The following GNA12 variants were observed in gnomAD, a reference collection of about 807,000 sequenced individuals.
The protein encoded by GNA12 is G protein subunit alpha 12, also known as guanine nucleotide-binding protein subunit alpha-12.
A neutral mutation model predicts 26.0 loss-of-function variants in GNA12; 9 were observed. The ratio of observed to expected loss-of-function variants is 0.35; its 90% CI spans 0.21 to 0.60. GNA12 has a LOEUF of 0.60. Among genes scored for constraint, GNA12 ranks in the 20% least tolerant of loss-of-function variants. GNA12 has a pLI of 0.78. For missense variants in GNA12, 405 were observed against 525.8 expected, an observed-to-expected ratio of 0.77 and a Z score of 2.25; for synonymous variants, 264 against 219.6, an observed-to-expected ratio of 1.20 and a Z score of -1.79.
chr7:2,741,765 T>C (rs1790517936), intron 2 of GNA12, among the ~76,000 whole-genome samples: 1 of 151,650 alleles, frequency 6.6e-6, no homozygotes, highest in Non-Finnish European at 1.5e-5. Context: ...AGAGGGTATG[T>C]CCTAAGAATG....
chr7:2,741,931 T>C (rs1211011633), intron 2 of GNA12, among the ~76,000 whole-genome samples: 1 of 151,682 alleles, frequency 6.6e-6, no homozygotes, highest in Non-Finnish European at 1.5e-5. Flanking sequence ...TATAAGACCA[T>C]TTCCCTCCTC....
chr7:2,841,407 G>C (rs141101693), intron 1 of GNA12, among the ~76,000 whole-genome samples: 30 of 152,276 alleles, frequency 2.0e-4, no homozygotes, highest in Middle Eastern at 3.4e-3. Context: ...GCCTGGTTCT[G>C]AGGTCTGGGC....
chr7:2,788,683 G>A (rs762478255), intron 2 of GNA12, among the ~76,000 whole-genome samples: 3 of 152,222 alleles, frequency 2.0e-5, no homozygotes, highest in African/African-American at 7.2e-5. Flanking sequence ...GAGCTGTGCA[G>A]CCAGGAAAGA....
chr7:2,770,424 G>A (rs1791919114), intron 2 of GNA12, among the ~76,000 whole-genome samples: 1 of 152,186 alleles, frequency 6.6e-6, no homozygotes, highest in South Asian at 2.1e-4. Context: ...CTAGGCTTGT[G>A]ACAGGGCAAT....
intron 1 of GNA12, among the ~76,000 whole-genome samples, chr7:2,838,572 A>T (rs989546463): frequency 2.0e-5 from 3 of 152,208 alleles, no homozygotes; most frequent in African/African-American, 7.2e-5. Flanking sequence ...CAATAGCAAA[A>T]GACCTTGTCT....
chr7:2,805,508 A>G (rs1300284584), intron 1 of GNA12, among the ~76,000 whole-genome samples: 3 of 152,082 alleles, frequency 2.0e-5, no homozygotes, highest in Non-Finnish European at 4.4e-5. Context: ...GGCTCAAGCT[A>G]GAGATTTTTC....
At chr7:2,808,256 G>A (rs911826634) in intron 1 of GNA12, among the ~76,000 whole-genome samples, 3 of 152,204 alleles carry the variant, frequency 2.0e-5, no homozygotes, top group Non-Finnish European at 2.9e-5. Flanking sequence ...AGTGCTACCC[G>A]ACACCCACCT....
chr7:2,805,798 A>T (rs1792932338), intron 1 of GNA12, among the ~76,000 whole-genome samples: 1 of 152,250 alleles, frequency 6.6e-6, no homozygotes, highest in Non-Finnish European at 1.5e-5. Flanking sequence ...TGAGTCTAAT[A>T]TCTCCAGACA....
In GNA12 at chr7:2,795,120, T is replaced by A. The variant is rs2230877; in HGVS notation, c.333A>T (p.Ala111=). The change falls in exon 2 of 4, where the codon GCA becomes GCT. Residue 111 remains alanine, a synonymous_variant. Coordinates refer to ENST00000275364, the MANE Select transcript of GNA12 (RefSeq NM_007353.3). ...ILKGSRVLVD[A]RDKLGIPWQY... is the part of the protein sequence containing the mutation. Reference sequence around the variant, plus strand: ...GCCAAGGAATGCCAAGCTTATCTCGTGCATCAACAAGAACCCTTGAGCCCT... The same window carrying A: ...GCCAAGGAATGCCAAGCTTATCTCGAGCATCAACAAGAACCCTTGAGCCCT... The A allele has an allele frequency of 6.2e-7, 1 of 1,613,172 alleles. No individual in the cohort carries two copies. The highest frequency in any genetic ancestry group is 2.2e-5 in the East Asian group (1 of 44,894).
chr7:2,835,108 A>AT (rs764959288), intron 1 of GNA12, among the ~76,000 whole-genome samples: 3 of 152,224 alleles, frequency 2.0e-5, no homozygotes, highest in Non-Finnish European at 4.4e-5. Flanking sequence ...GACAGCTAAC[A>AT]TTTTATCCAC....
intron 2 of GNA12, among the ~76,000 whole-genome samples, chr7:2,741,038 C>A (rs9768427): frequency 0.11 from 16,183 of 150,672 alleles, 989 homozygotes; most frequent in Middle Eastern, 0.18. Flanking sequence ...GAGCGAGACT[C>A]CGTCTCAAAA....
At chr7:2,760,910 G>T (rs1277322270) in intron 2 of GNA12, among the ~76,000 whole-genome samples, 1 of 151,812 alleles carries the variant, frequency 6.6e-6, no homozygotes, top group African/African-American at 2.4e-5. Flanking sequence ...GGTGGGGAGT[G>T]GGGGGTTCTG....
intron 1 of GNA12, among the ~76,000 whole-genome samples, chr7:2,833,483 C>T (rs1208218764): frequency 1.3e-5 from 2 of 152,086 alleles, no homozygotes; most frequent in African/African-American, 4.8e-5. Context: ...AGGTCAAACC[C>T]TGCTCCCCCT....
intron 2 of GNA12, among the ~76,000 whole-genome samples, chr7:2,778,391 C>T (rs1792132396): frequency 6.6e-6 from 1 of 152,142 alleles, no homozygotes; most frequent in African/African-American, 2.4e-5. Flanking sequence ...CCATCTGTGC[C>T]ACCTCCCTCC....
intron 2 of GNA12, among the ~76,000 whole-genome samples, chr7:2,775,726 C>T (rs1392105240): frequency 2.0e-5 from 3 of 152,164 alleles, no homozygotes; most frequent in Non-Finnish European, 2.9e-5. Context: ...GGCCAGGCTC[C>T]GAATCACGTC....
At chr7:2,814,298 G>A (rs776952704) in intron 1 of GNA12, 17 of 1,418,886 alleles carry the variant, frequency 1.2e-5, no homozygotes, top group African/African-American at 4.2e-5. Flanking sequence ...GGAGTTGAAC[G>A]GAGTGAGACT....
chr7:2,765,775 C>T (rs771803818), intron 2 of GNA12, among the ~76,000 whole-genome samples: 4 of 151,976 alleles, frequency 2.6e-5, no homozygotes, highest in African/African-American at 7.3e-5. Flanking sequence ...GGACTATAGG[C>T]GTGTGCCAAT....
chr7:2,762,470 C>T, intron 2 of GNA12: 1 of 641,050 alleles, frequency 1.6e-6, no homozygotes, highest in Non-Finnish European at 2.5e-6. Flanking sequence ...AGCCTCTGAA[C>T]CCACCCGTGT....
chr7:2,752,520 G>C (rs1418284430), intron 2 of GNA12, among the ~76,000 whole-genome samples: 2 of 152,188 alleles, frequency 1.3e-5, no homozygotes, highest in African/African-American at 4.8e-5. Flanking sequence ...ACAATCTGCA[G>C]ATCGCCTAAC....
Sources: allele counts gnomAD v4.1 joint callset (sites outside exome capture counted in the v4.1 genomes callset), GRCh38; gene constraint gnomAD v4.1.1; transcripts MANE v1.5; gene names NCBI Gene and HGNC (gene_info 2026-07-23, HGNC 2026-07-21).